The following SPTA1 variants were observed in gnomAD, a reference collection of about 807,000 sequenced individuals.
SPTA1 encodes spectrin alpha, erythrocytic 1.
A neutral mutation model predicts 324.7 loss-of-function variants in SPTA1; 177 were observed. The ratio of observed to expected loss-of-function variants is 0.55; its 90% CI spans 0.48 to 0.62. SPTA1 has a LOEUF of 0.62. Ranked by LOEUF, SPTA1 falls within the 20% of genes least tolerant of loss-of-function variation. SPTA1 has a pLI of 0.00. For synonymous variants in SPTA1, 1,195 were observed against 1,041.3 expected (o/e 1.15, Z -2.84); for missense variants, 3,162 against 2,883.6 (o/e 1.10, Z -2.21).
Position 158,615,313 on chromosome 1 carries a change from T to C in SPTA1, c.6691A>G (p.Ile2231Val), listed in dbSNP as rs1649487364. 1 of 1,614,108 alleles carries C rather than the reference T, an allele frequency of 6.2e-7. No homozygotes were observed. Among genetic ancestry groups the C allele is most frequent in the Admixed American group, 1.7e-5 (1 of 60,030 alleles). The stretch of plus-strand genomic sequence containing the variant: ...GCCAATCCAATGGTGCTGTATTTGA[T>C]ATCAAGGATCAGAGCGTCTTCCAAG... ...DNLEDALILD[I>V]KYSTIGLAQQ... Residue 2231 changes from isoleucine (I) to valine (V), a missense_variant, in exon 48 of 52, where the codon ATC becomes GTC. Transcript: ENST00000643759.
chr1:158,624,748 G>A (rs1046075209), intron 42 of SPTA1, among the ~76,000 whole-genome samples: 8 of 152,154 alleles, frequency 5.3e-5, no homozygotes, highest in Non-Finnish European at 8.8e-5. Flanking sequence ...CATTTTAGAT[G>A]CCAAAACTGT....
intron 14 of SPTA1, 69 bp downstream of exon 14, chr1:158,669,339 C>T (rs540757739): frequency 6.6e-5 from 106 of 1,605,442 alleles, no homozygotes; most frequent in Non-Finnish European, 8.4e-5. Flanking sequence ...GTTCATTTTA[C>T]TCCAAGACTG....
chr1:158,656,609 A>C lies in SPTA1; in HGVS notation c.2853T>G (p.Phe951Leu), dbSNP rs747157346. 1.9e-6 allele frequency: 3 copies of C among 1,613,836 alleles called. No homozygotes were observed. Among genetic ancestry groups the C allele is most frequent in the Non-Finnish European group, 2.5e-6 (3 of 1,179,944 alleles). ...HEAFLLDLNS[F>L]GDSMKALRNQ... is the part of the protein sequence containing the mutation. ...TCCGCAGAGCTTTCATACTGTCTCC[A>C]AATGAATTGAGATCTAATAGAAAGG... Residue 951 changes from phenylalanine to leucine, a missense_variant, in exon 20 of 52, where the codon TTT (phenylalanine) becomes TTG (leucine). Transcript: ENST00000643759.
Position 158,645,578 on chromosome 1 carries a change from TC to T in SPTA1, c.3912del (p.Trp1304Ter). 2 of 1,613,980 alleles carry T rather than the reference TC, an allele frequency of 1.2e-6. No individual in the cohort carries two copies. The highest frequency in any genetic ancestry group is 8.5e-7 in the Non-Finnish European group (1 of 1,179,906). ...FLSKARDLQNWISSIGGMVSS... is the reference protein window; with the variant it reads ...FLSKARDLQNXISSIGGMVSS... ...GATACCATGCCACCAATGCTACTGA[TC>T]CAGTTCTGCAGATCCCTAGATAAAC... On this transcript the variant is annotated frameshift_variant, in exon 28 of 52. Transcript: ENST00000643759. LOFTEE classifies it high-confidence loss of function.
Position 158,669,450 on chromosome 1 carries a change from C to CTT in SPTA1, c.1790_1791insAA (p.Trp597Ter). Residue 597 changes from tryptophan (W) to a stop codon, truncating the protein, a stop_gained and frameshift_variant, in exon 14 of 52, where the codon TGG (tryptophan) becomes TGAAG (stop). Coordinates refer to ENST00000643759, the MANE Select transcript of SPTA1 (RefSeq NM_003126.4). LOFTEE classifies it high-confidence loss of function. ...LYEDSDDLKNWINKKKKLADD... is the reference protein window; with the variant it reads ...LYEDSDDLKN ...CTGCCAACTTTTTCTTCTTGTTGAT[C>CTT]CAGTTCTTTAGGTCATCTGAGTCCT... is the stretch of plus-strand genomic sequence containing the variant. The CTT allele has an allele frequency of 1.2e-6, 2 of 1,614,154 alleles. No homozygotes were observed. The highest frequency in any genetic ancestry group is 1.7e-6 in the Non-Finnish European group (2 of 1,180,010).
In SPTA1 at chr1:158,678,347, C is replaced by A. The variant is rs965132309; in HGVS notation, c.812+54G>T. Reference sequence around the variant, plus strand: ...GTAGAAAGAGCCTAATACAAAGACACGGTTTTTATAAAGCACTTCAAAGTT... The same window carrying A: ...GTAGAAAGAGCCTAATACAAAGACAAGGTTTTTATAAAGCACTTCAAAGTT... On this transcript the variant is annotated intron_variant, in intron 6 of 51. Coordinates refer to ENST00000643759, the MANE Select transcript of SPTA1 (RefSeq NM_003126.4). The A allele has an allele frequency of 2.5e-6, 4 of 1,609,452 alleles. No individual in the cohort carries two copies. In the African/African-American group the frequency reaches 5.4e-5, roughly 22 times the overall value.
intron 37 of SPTA1, 75 bp from the exon 38 acceptor site, chr1:158,636,109 A>G: frequency 6.2e-7 from 1 of 1,612,440 alleles, no homozygotes; most frequent in Non-Finnish European, 8.5e-7. Flanking sequence ...TGAGCAAAGT[A>G]TCTAGCCCAT....
chr1:158,638,358 A>G (rs1311845528), intron 35 of SPTA1, 117 bp from the exon 36 acceptor site: 2 of 1,014,962 alleles, frequency 2.0e-6, no homozygotes, highest in African/African-American at 1.6e-5. Flanking sequence ...TTTTAAAGAC[A>G]TGGAGTTTGA....
chr1:158,638,234 A>G lies in SPTA1; in HGVS notation c.4988T>C (p.Leu1663Pro). The change falls in exon 36 of 52, where the codon CTC becomes CCC. Residue 1663 changes from leucine (L) to proline (P), a missense_variant. Physicochemically the swap from Leu to Pro is moderately conservative, Grantham distance 98 (BLOSUM62 -3). Coordinates refer to ENST00000643759, the MANE Select transcript of SPTA1 (RefSeq NM_003126.4). ...EREMLAREDA[L>P]KDLNTLAEDL... ...TTCAGCCAATGTATTCAGGTCCTTG[A>G]GTGCATCCTAGAAAGTCTCGGGATA... The G allele has an allele frequency of 6.2e-7, 1 of 1,611,782 alleles. No homozygotes were observed. Among genetic ancestry groups the G allele is most frequent in the Non-Finnish European group, 8.5e-7 (1 of 1,179,832 alleles).
Position 158,617,971 on chromosome 1 carries a change from CTCTT to C in SPTA1, c.6548+64_6548+67del, listed in dbSNP as rs1023730863. 1.9e-5 allele frequency: 27 copies of C among 1,456,162 alleles called. No homozygotes were observed. In the African/African-American group the frequency reaches 3.2e-4, roughly 17 times the overall value. The allele number at this position is 1,456,162 out of a possible 1,614,324, so 90.2% of individuals were successfully genotyped here. A position where few individuals can be genotyped will look rare whatever the true frequency, so the allele number is the denominator to read the frequency against. Reference sequence around the variant, plus strand: ...TGGAATGAAAATGTCTCAGCACTAACTCTTTCTTAACGAATTCTTCCATAATAAT... The same window carrying C: ...TGGAATGAAAATGTCTCAGCACTAACTCTTAACGAATTCTTCCATAATAAT... On this transcript the variant is annotated intron_variant, in intron 46 of 51. Coordinates refer to ENST00000643759, the MANE Select transcript of SPTA1 (RefSeq NM_003126.4).
At chr1:158,635,184 C>A (rs1428073465) in intron 38 of SPTA1, among the ~76,000 whole-genome samples, 1 of 152,084 alleles carries the variant, frequency 6.6e-6, no homozygotes, top group African/African-American at 2.4e-5. Context: ...GAACTGTAAT[C>A]CCTATGTATC....
At chr1:158,648,474 A>G (rs769019149) in intron 26 of SPTA1, 35 bp downstream of exon 26, 4 of 1,613,526 alleles carry the variant, frequency 2.5e-6, no homozygotes, top group Non-Finnish European at 3.4e-6. Context: ...TATAGACTGG[A>G]AAGTGTTGGA....
Position 158,636,741 on chromosome 1 carries a change from C to G in SPTA1, c.5210G>C (p.Ser1737Thr). ...AAGATCTCTCCCATAGTCCTGGGAGCTCACTCGTATCAACTTCTCCCTAAA... is the reference window on the plus strand; with the variant it reads ...AAGATCTCTCCCATAGTCCTGGGAGGTCACTCGTATCAACTTCTCCCTAAA... Reference protein sequence around the residue: ...SWIEEKLIRVSSQDYGRDLQG... With the variant: ...SWIEEKLIRVTSQDYGRDLQG... The change falls in exon 37 of 52, where the codon AGC (serine) becomes ACC (threonine). Residue 1737 changes from serine (S) to threonine (T), a missense_variant. Transcript: ENST00000643759. 1 of 1,614,086 alleles carries G rather than the reference C, an allele frequency of 6.2e-7. No individual in the cohort carries two copies. Among genetic ancestry groups the G allele is most frequent in the Non-Finnish European group, 8.5e-7 (1 of 1,179,982 alleles).
At chr1:158,642,627 A>T in intron 32 of SPTA1, 85 bp from the exon 33 acceptor site, 1 of 1,588,334 alleles carries the variant, frequency 6.3e-7, no homozygotes, top group Non-Finnish European at 8.6e-7. Context: ...AGGAAGGGCT[A>T]ATATTTCTAT....
chr1:158,681,789 C>A (rs951356486), intron 3 of SPTA1, 122 bp from the exon 4 acceptor site: 4 of 1,260,196 alleles, frequency 3.2e-6, no homozygotes, highest in Non-Finnish European at 4.6e-6. Flanking sequence ...GCATTAGTTG[C>A]TCAACAAACA....
At chr1:158,645,137 T>C (rs540204833) in intron 29 of SPTA1, 51 bp downstream of exon 29, 54 of 1,595,824 alleles carry the variant, frequency 3.4e-5, no homozygotes, top group South Asian at 3.1e-4. Flanking sequence ...TGAAATTGCA[T>C]AGGAGAAACA....
chr1:158,683,667 C>CTGAGCTATGCTGAGCCTTA (rs1306998630), intron 2 of SPTA1, among the ~76,000 whole-genome samples, 171 bp from the exon 3 acceptor site: 1 of 152,030 alleles, frequency 6.6e-6, no homozygotes, highest in Non-Finnish European at 1.5e-5. Flanking sequence ...AAATACTGTC[C>CTGAGCTATGCTGAGCCTTA]TGAGCTATGC....
At chr1:158,611,473 T>C in intron 51 of SPTA1, 84 bp from the exon 52 acceptor site, 1 of 1,528,320 alleles carries the variant, frequency 6.5e-7, no homozygotes, top group South Asian at 1.1e-5. Flanking sequence ...ACGCCATAAA[T>C]GCAGGAGATG....
intron 25 of SPTA1, 122 bp from the exon 26 acceptor site, chr1:158,648,775 A>G (rs1387744119): frequency 3.4e-6 from 3 of 887,140 alleles, no homozygotes; most frequent in Non-Finnish European, 4.8e-6. Flanking sequence ...CCCCCACCCC[A>G]ACCAATTATC....
Sources: allele counts gnomAD v4.1 joint callset (sites outside exome capture counted in the v4.1 genomes callset), GRCh38; gene constraint gnomAD v4.1.1; transcripts MANE v1.5; gene names NCBI Gene and HGNC (gene_info 2026-07-23, HGNC 2026-07-21).